CNBD1: variants seen among roughly 807,000 people sequenced by gnomAD.
CNBD1 encodes cyclic nucleotide binding domain containing 1.
A neutral mutation model predicts 54.4 loss-of-function variants in CNBD1; 71 were observed. The observed-to-expected ratio is 1.30, with a 90% CI of 1.08 to 1.59. CNBD1 has a LOEUF of 1.59. Ranked by LOEUF, CNBD1 falls within the 40% of genes most tolerant of loss-of-function variation. The pLI is 0.00. For missense variants in CNBD1, 659 were observed against 518.0 expected (o/e 1.27, Z -2.64); for synonymous variants, 182 against 170.7 (o/e 1.07, Z -0.51).
intron 6 of CNBD1, among the ~76,000 whole-genome samples, chr8:87,240,959 T>C (rs953809712): frequency 4.6e-5 from 7 of 152,138 alleles, no homozygotes; most frequent in African/African-American, 1.7e-4. Context: ...TTTAGCTGGA[T>C]ACTTTTTGTG....
intron 8 of CNBD1, among the ~76,000 whole-genome samples, chr8:87,342,761 C>G (rs776337466): frequency 2.6e-5 from 4 of 152,038 alleles, no homozygotes; most frequent in Non-Finnish European, 5.9e-5. Context: ...GGGAGTAGGT[C>G]ACAAGGATCA....
intron 4 of CNBD1, among the ~76,000 whole-genome samples, chr8:87,044,336 G>GT (rs1235428181): frequency 6.6e-6 from 1 of 151,918 alleles, no homozygotes; most frequent in Non-Finnish European, 1.5e-5. Context: ...TTAAATGGTT[G>GT]TTTTTTCCTT....
At chr8:87,015,476 T>C (rs1365357534) in intron 4 of CNBD1, among the ~76,000 whole-genome samples, 2 of 152,070 alleles carry the variant, frequency 1.3e-5, no homozygotes, top group Non-Finnish European at 2.9e-5. Context: ...TGATCCATCA[T>C]GCCCAGCGAA....
At chr8:87,296,376 C>G (rs1808876027) in intron 8 of CNBD1, among the ~76,000 whole-genome samples, 1 of 151,882 alleles carries the variant, frequency 6.6e-6, no homozygotes, top group Non-Finnish European at 1.5e-5. Context: ...TAGAAGTAGT[C>G]AGTTAGGTAT....
chr8:86,977,500 C>T (rs151095996), intron 4 of CNBD1, among the ~76,000 whole-genome samples: 450 of 152,054 alleles, frequency 3.0e-3, no homozygotes, highest in African/African-American at 0.01. Flanking sequence ...AGCTAAGAAG[C>T]AATGAGAGAA....
chr8:87,091,051 A>G (rs2130679112), intron 4 of CNBD1, among the ~76,000 whole-genome samples: 1 of 151,768 alleles, frequency 6.6e-6, no homozygotes, highest in Admixed American at 6.6e-5. Context: ...GAGGCAGGAG[A>G]ATCACTTGAA....
At chr8:87,160,595 A>T (rs374855744) in intron 4 of CNBD1, among the ~76,000 whole-genome samples, 1 of 152,262 alleles carries the variant, frequency 6.6e-6, no homozygotes, top group South Asian at 2.1e-4. Context: ...ATAATTTCAT[A>T]ATCTGCTTTA....
At chr8:87,102,034 G>C (rs772846559) in intron 4 of CNBD1, among the ~76,000 whole-genome samples, 1 of 151,794 alleles carries the variant, frequency 6.6e-6, no homozygotes, top group Admixed American at 6.6e-5. Context: ...GATTATAGGC[G>C]CCCGCCACCA....
At chr8:87,130,233 G>T (rs1230878335) in intron 4 of CNBD1, among the ~76,000 whole-genome samples, 1 of 152,030 alleles carries the variant, frequency 6.6e-6, no homozygotes, top group Non-Finnish European at 1.5e-5. Context: ...TATTATTCTT[G>T]ATTTCTCAAT....
At chr8:87,024,823 T>C (rs1809597215) in intron 4 of CNBD1, among the ~76,000 whole-genome samples, 1 of 152,226 alleles carries the variant, frequency 6.6e-6, no homozygotes, top group Admixed American at 6.5e-5. Context: ...TGGTTTTTGA[T>C]TGGTGCTTTA....
At chr8:87,229,474 G>A (rs1318158563) in intron 5 of CNBD1, among the ~76,000 whole-genome samples, 2 of 152,048 alleles carry the variant, frequency 1.3e-5, no homozygotes, top group African/African-American at 4.8e-5. Flanking sequence ...TGCTCTGTTA[G>A]TAATATTTTA....
chr8:87,408,311 C>T (rs1807683802), intron 2 of CNBD1, among the ~76,000 whole-genome samples: 1 of 151,904 alleles, frequency 6.6e-6, no homozygotes, highest in Non-Finnish European at 1.5e-5. Context: ...AGCATTTTCT[C>T]CTGTGCTGTC....
intron 4 of CNBD1, among the ~76,000 whole-genome samples, chr8:87,008,390 T>A (rs529538682): frequency 3.9e-5 from 6 of 152,324 alleles, no homozygotes; most frequent in African/African-American, 1.2e-4. Context: ...ACAGTACTGA[T>A]TTTCTCAGAT....
At chr8:87,008,449 G>T (rs1809147604) in intron 4 of CNBD1, among the ~76,000 whole-genome samples, 1 of 151,936 alleles carries the variant, frequency 6.6e-6, no homozygotes, top group African/African-American at 2.4e-5. Context: ...GCATTTTTTG[G>T]CCGGGGTGGG....
Position 87,126,121 on chromosome 8 carries a change from A to G in CNBD1, c.432-79872A>G, listed in dbSNP as rs555850454. 2.6e-5 allele frequency among the ~76,000 whole-genome samples: 4 copies of G among 152,078 alleles called. No individual in the cohort carries two copies. In the South Asian group the frequency reaches 6.2e-4, roughly 24 times the overall value. ...TTTATAGTTTCTGGCTATTACACAT[A>G]AAGTGTTCTGAACATTCATGAACAA... On this transcript the variant is annotated intron_variant, in intron 4 of 10. Transcript: ENST00000518476.
chr8:87,152,348 T>C (rs1812621897), intron 4 of CNBD1, among the ~76,000 whole-genome samples: 1 of 151,494 alleles, frequency 6.6e-6, no homozygotes, highest in Non-Finnish European at 1.5e-5. Context: ...AACAGGGGTG[T>C]CCAATCTTTT....
intron 4 of CNBD1, among the ~76,000 whole-genome samples, chr8:87,054,324 T>C (rs570201244): frequency 6.6e-6 from 1 of 152,162 alleles, no homozygotes; most frequent in African/African-American, 2.4e-5. Flanking sequence ...ATCCATCTCA[T>C]AGAGAGACTG....
intron 2 of CNBD1, among the ~76,000 whole-genome samples, chr8:87,427,211 A>G (rs1808065484): frequency 6.6e-6 from 1 of 152,060 alleles, no homozygotes; most frequent in Admixed American, 6.6e-5. Flanking sequence ...ATTATCTTGT[A>G]TGTCCTTTGA....
intron 3 of CNBD1, among the ~76,000 whole-genome samples, chr8:86,915,583 G>C (rs1276657031): frequency 6.6e-6 from 1 of 152,190 alleles, no homozygotes; most frequent in Non-Finnish European, 1.5e-5. Context: ...GGCAAGATGA[G>C]TGTTGCCCAG....
Sources: gnomAD v4.1 joint callset for allele counts (sites outside exome capture counted in the v4.1 genomes callset) on GRCh38, gnomAD v4.1.1 for gene constraint, MANE v1.5 for transcripts, NCBI Gene and HGNC (gene_info 2026-07-23, HGNC 2026-07-21) for gene names.